CFAP20DC: variants seen among roughly 807,000 people sequenced by gnomAD.
CFAP20DC encodes the protein protein CFAP20DC.
In CFAP20DC, 84 loss-of-function variants were observed where a neutral mutation model predicts 101.7. The ratio of observed to expected loss-of-function variants is 0.83; its 90% CI spans 0.69 to 0.99. The LOEUF (loss-of-function observed/expected upper bound fraction) is 0.99. Among genes scored for constraint, CFAP20DC ranks in the 50% least tolerant of loss-of-function variants. CFAP20DC has a pLI of 0.00. For synonymous variants in CFAP20DC, 359 were observed against 351.2 expected (o/e 1.02, Z -0.25); for missense variants, 1,007 against 970.3 (o/e 1.04, Z -0.50).
intron 4 of CFAP20DC, chr3:58,953,633 C>T (rs1167541520): frequency 2.6e-5 from 4 of 152,108 alleles, no homozygotes; most frequent in Non-Finnish European, 4.4e-5. Context: ...TGAATTGCTA[C>T]TTTAAAAAAA....
chr3:58,854,484 A>G (rs2078570014), intron 12 of CFAP20DC, among the ~76,000 whole-genome samples: 1 of 152,034 alleles, frequency 6.6e-6, no homozygotes, highest in Admixed American at 6.6e-5. Flanking sequence ...GGAAAAAACT[A>G]CTTTAAAGTT....
In CFAP20DC at chr3:58,890,769, C is replaced by T. The variant is rs1272229312; in HGVS notation, c.551-6060G>A. 8.8e-4 allele frequency among the ~76,000 whole-genome samples: 129 copies of T among 146,940 alleles called. 2 individuals are homozygous for T. In the East Asian group the frequency reaches 0.026, roughly 29 times the overall value. ...ACGGGGTTGCGGCCGGGCAGAGGCG[C>T]TCCTCACATCCCAGATGGGGCGGCG... On this transcript the variant is annotated intron_variant, in intron 6 of 16. Transcript: ENST00000482387.
At chr3:58,825,571 CTA>C (rs1197354420) in intron 14 of CFAP20DC, among the ~76,000 whole-genome samples, 1 of 143,742 alleles carries the variant, frequency 7.0e-6, no homozygotes, top group Non-Finnish European at 1.5e-5. Flanking sequence ...TGGCTTTATG[CTA>C]TTGTCAATCA....
At chr3:58,793,196 A>G (rs2072992666) in intron 15 of CFAP20DC, among the ~76,000 whole-genome samples, 1 of 152,170 alleles carries the variant, frequency 6.6e-6, no homozygotes, top group Non-Finnish European at 1.5e-5. Flanking sequence ...CATTTCCTAC[A>G]CATTTTTCAC....
At chr3:59,009,957 A>C (rs780163008) in intron 4 of CFAP20DC, among the ~76,000 whole-genome samples, 4 of 152,208 alleles carry the variant, frequency 2.6e-5, no homozygotes, top group Non-Finnish European at 5.9e-5. Flanking sequence ...TGGTGAAACT[A>C]AGCTTCATAA....
intron 5 of CFAP20DC, among the ~76,000 whole-genome samples, chr3:58,933,003 C>T (rs1490742231): frequency 3.3e-5 from 5 of 152,310 alleles, no homozygotes; most frequent in African/African-American, 1.2e-4. Context: ...CAAGACCCAT[C>T]AGTGTGCTAT....
At chr3:58,983,560 GA>G (rs2092655628) in intron 4 of CFAP20DC, among the ~76,000 whole-genome samples, 1 of 152,088 alleles carries the variant, frequency 6.6e-6, no homozygotes, top group African/African-American at 2.4e-5. Flanking sequence ...GCATAAAAGA[GA>G]CTGCCTATTC....
chr3:58,736,347 G>A (rs1293427448), intron 3 of CFAP20DC, among the ~76,000 whole-genome samples: 1 of 152,104 alleles, frequency 6.6e-6, no homozygotes, highest in African/African-American at 2.4e-5. Flanking sequence ...AAAAACAAAT[G>A]GTGAAATTTT....
At chr3:58,833,075 T>C (rs546593284) in intron 13 of CFAP20DC, among the ~76,000 whole-genome samples, 1 of 152,320 alleles carries the variant, frequency 6.6e-6, no homozygotes, top group South Asian at 2.1e-4. Context: ...CATAGGAGTG[T>C]AAAAAATTTA....
At chr3:58,947,228 G>GA (rs559723125) in intron 4 of CFAP20DC, among the ~76,000 whole-genome samples, 15 of 151,980 alleles carry the variant, frequency 9.9e-5, no homozygotes, top group Non-Finnish European at 2.1e-4. Context: ...GGGCATTCCA[G>GA]AAAAAAAAGA....
At position 59,043,949 on chromosome 3, in the gene CFAP20DC, C is replaced by T. The variant is rs191257911; in HGVS notation, c.205+2280G>A. Among the ~76,000 whole-genome samples the T allele has an allele frequency of 2.6e-5, 4 of 152,184 alleles. No homozygotes were observed. In the East Asian group the frequency reaches 7.7e-4, roughly 29 times the overall value. On this transcript the variant is annotated intron_variant, in intron 3 of 16. Transcript: ENST00000482387. ...TGTACCAGGCACTGAGTTAAGGGTA[C>T]AAAGAAGATGATTCAGGAAGATCCC...
chr3:58,737,731 C>T (rs933526092), downstream of CFAP20DC, among the ~76,000 whole-genome samples: 2 of 152,122 alleles, frequency 1.3e-5, no homozygotes, highest in Admixed American at 6.5e-5. This position sits in a 1 kb window ranked among gnomAD's most constrained non-coding sequence, Gnocchi z 4.1. Context: ...TTTTGGGAAA[C>T]GCTGATCCTT....
chr3:58,990,955 A>G (rs2092918591), intron 4 of CFAP20DC, among the ~76,000 whole-genome samples: 1 of 152,186 alleles, frequency 6.6e-6, no homozygotes, highest in South Asian at 2.1e-4. Context: ...CCATACCAGA[A>G]TGCAAACTTC....
chr3:58,909,957 T>C (rs2083980176), intron 6 of CFAP20DC, among the ~76,000 whole-genome samples: 1 of 152,162 alleles, frequency 6.6e-6, no homozygotes, highest in East Asian at 1.9e-4. Flanking sequence ...ATTGCTCAGC[T>C]CCCACTTATG....
intron 4 of CFAP20DC, among the ~76,000 whole-genome samples, chr3:58,968,062 T>C (rs190843031): frequency 1.9e-4 from 29 of 152,346 alleles, no homozygotes; most frequent in East Asian, 1.5e-3. Flanking sequence ...TATGGCTGCA[T>C]AGTATTCCAT....
intron 3 of CFAP20DC, among the ~76,000 whole-genome samples, chr3:58,718,912 G>A (rs1356782647): frequency 2.0e-5 from 3 of 152,112 alleles, no homozygotes; most frequent in African/African-American, 2.4e-5. Flanking sequence ...AGCATTCTTA[G>A]TAAGATGATA....
chr3:58,817,565 T>A (rs1370922459), intron 14 of CFAP20DC, among the ~76,000 whole-genome samples: 1 of 143,002 alleles, frequency 7.0e-6, no homozygotes, highest in Non-Finnish European at 1.5e-5. Context: ...ATGAATGAAA[T>A]GAAGCGAGAA....
chr3:58,958,240 T>C (rs904674264), intron 4 of CFAP20DC, among the ~76,000 whole-genome samples: 2 of 152,202 alleles, frequency 1.3e-5, no homozygotes, highest in African/African-American at 2.4e-5. Context: ...TTTTGGTCTC[T>C]AAATTCACCT....
At chr3:58,980,174 T>C (rs1400924699) in intron 4 of CFAP20DC, among the ~76,000 whole-genome samples, 2 of 152,204 alleles carry the variant, frequency 1.3e-5, no homozygotes, top group African/African-American at 4.8e-5. Flanking sequence ...CCGAGCTTGA[T>C]AGCTCTTAAT....
Sources: gnomAD v4.1 joint callset for allele counts (sites outside exome capture counted in the v4.1 genomes callset) on GRCh38, gnomAD v4.1.1 for gene constraint, Gnocchi (gnomAD v3.1) non-coding constraint, MANE v1.5 for transcripts, NCBI Gene and HGNC (gene_info 2026-07-23, HGNC 2026-07-21) for gene names.